Variants in DOCK7 observed in about 807,000 individuals in gnomAD.
DOCK7 encodes the protein dedicator of cytokinesis protein 7.
A neutral mutation model predicts 271.0 loss-of-function variants in DOCK7; 138 were observed. The ratio of observed to expected loss-of-function variants is 0.51; its 90% CI spans 0.44 to 0.59. DOCK7 has a LOEUF of 0.59. Ranked by LOEUF, DOCK7 falls within the 20% of genes least tolerant of loss-of-function variation. The pLI is 0.00. For missense variants in DOCK7, 2,066 were observed against 2,592.4 expected (o/e 0.80, Z 4.41); for synonymous variants, 823 against 876.1 (o/e 0.94, Z 1.07).
At chr1:62,522,343 TGAA>T (rs1485977507) in intron 31 of DOCK7, among the ~76,000 whole-genome samples, 1 of 152,120 alleles carries the variant, frequency 6.6e-6, no homozygotes, top group African/African-American at 2.4e-5. Flanking sequence ...TACACAACTA[TGAA>T]GAAGTTGAGT....
At chr1:62,637,527 C>G (rs1004125273) in intron 7 of DOCK7, among the ~76,000 whole-genome samples, 38 of 152,286 alleles carry the variant, frequency 2.5e-4, no homozygotes, top group African/African-American at 8.9e-4. Context: ...ACATCCTACG[C>G]TGTACAGGAC....
chr1:62,670,376 G>A (rs1490288823), intron 1 of DOCK7, among the ~76,000 whole-genome samples: 13 of 152,316 alleles, frequency 8.5e-5, no homozygotes, highest in Middle Eastern at 6.8e-3. Context: ...GACGTGGAGA[G>A]TCTTTATATC....
intron 14 of DOCK7, among the ~76,000 whole-genome samples, chr1:62,588,887 C>A (rs188699518): frequency 2.6e-5 from 4 of 152,074 alleles, no homozygotes; most frequent in African/African-American, 9.7e-5. Context: ...ACTACAGGCA[C>A]GTGCCATCAC....
intron 16 of DOCK7, 134 bp from the exon 17 acceptor site, chr1:62,579,100 A>T (rs1184722287): frequency 2.3e-6 from 2 of 854,192 alleles, no homozygotes; most frequent in African/African-American, 3.5e-5. Context: ...ATTTTTCTTT[A>T]TCCCCAATCT....
At chr1:62,653,959 C>T (rs770597166) in intron 3 of DOCK7, 25 bp downstream of exon 3, 1 of 1,601,750 alleles carries the variant, frequency 6.2e-7, no homozygotes, top group South Asian at 1.1e-5. Context: ...CCTCTAAAGC[C>T]AAAAATAAGT....
chr1:62,568,844 G>T (rs62311682), intron 18 of DOCK7, among the ~76,000 whole-genome samples: 1 of 149,998 alleles, frequency 6.7e-6, no homozygotes, highest in Non-Finnish European at 1.5e-5. Flanking sequence ...TAGACTGCTA[G>T]CTAGATTAAT....
Position 62,455,440 on chromosome 1 carries a change from T to C in DOCK7, c.6397A>G (p.Met2133Val). ...VTCHRDSFSR[M>V]SLRKMDL is the part of the protein sequence containing the mutation. ...TAGAGATCCATTTTGCGAAGGCTCA[T>C]TCGACTGAAGGAATCTCTGGGAAAA... Residue 2133 changes from methionine (M) to valine (V), a missense_variant, in exon 50 of 50, where the codon ATG (methionine) becomes GTG (valine). Transcript: ENST00000635253. 1.2e-6 allele frequency: 2 copies of C among 1,613,722 alleles called. No homozygotes were observed.
At chr1:62,460,098 CAAAAAAAAAAAA>C (rs71053316) in intron 48 of DOCK7, among the ~76,000 whole-genome samples, 2 of 66,022 alleles carry the variant, frequency 3.0e-5, no homozygotes, top group African/African-American at 1.2e-4. Flanking sequence ...AGACTCGTCT[CAAAAAAAAAAAA>C]AAAAAAAAAA....
At chr1:62,687,868 G>A (rs1221691544) in intron 1 of DOCK7, among the ~76,000 whole-genome samples, 2 of 152,156 alleles carry the variant, frequency 1.3e-5, no homozygotes, top group African/African-American at 4.8e-5. Context: ...CGACGAGCCC[G>A]GGGGTGGGAA....
At chr1:62,677,484 G>A (rs1660661210) in intron 1 of DOCK7, among the ~76,000 whole-genome samples, 3 of 152,016 alleles carry the variant, frequency 2.0e-5, no homozygotes, top group Non-Finnish European at 4.4e-5. Context: ...AATACACTCA[G>A]TTACAGGAGT....
intron 37 of DOCK7, among the ~76,000 whole-genome samples, chr1:62,503,945 G>T (rs1444405863): frequency 6.6e-6 from 1 of 151,950 alleles, no homozygotes; most frequent in African/African-American, 2.4e-5. Flanking sequence ...TACTTGGGAG[G>T]CTGAGGCAGG....
intron 25 of DOCK7, among the ~76,000 whole-genome samples, 159 bp downstream of exon 25, chr1:62,542,449 G>A (rs1030392860): frequency 2.6e-5 from 4 of 152,074 alleles, no homozygotes; most frequent in Admixed American, 6.6e-5. Flanking sequence ...TGTCCACAGT[G>A]TTTATTTAGA....
At chr1:62,610,790 ACTC>A (rs1013288180) in intron 14 of DOCK7, among the ~76,000 whole-genome samples, 68 of 152,164 alleles carry the variant, frequency 4.5e-4, no homozygotes, top group African/African-American at 1.4e-3. Context: ...AAGGACATGA[ACTC>A]ATCCTTTTTT....
At chr1:62,518,600 C>T (rs1039626018) in intron 31 of DOCK7, among the ~76,000 whole-genome samples, 6 of 147,474 alleles carry the variant, frequency 4.1e-5, no homozygotes, top group South Asian at 2.2e-4. Context: ...ATTAGCCAGG[C>T]GCAGTGGCAG....
intron 38 of DOCK7, chr1:62,496,035 G>C (rs1401931664): frequency 2.8e-6 from 1 of 359,988 alleles, no homozygotes; most frequent in Non-Finnish European, 4.9e-6. Context: ...TAGTTTTTAA[G>C]GCATATTATT....
intron 48 of DOCK7, among the ~76,000 whole-genome samples, chr1:62,471,485 G>A (rs1467687418): frequency 6.6e-6 from 1 of 152,146 alleles, no homozygotes; most frequent in African/African-American, 2.4e-5. Flanking sequence ...AACATAGCGA[G>A]ACTTCATCTC....
chr1:62,524,288 C>T (rs766646324), intron 31 of DOCK7, among the ~76,000 whole-genome samples: 14 of 152,106 alleles, frequency 9.2e-5, no homozygotes, highest in East Asian at 1.9e-4. Flanking sequence ...AATTAAGGTA[C>T]GCCCTCTGGA....
chr1:62,587,437 T>A (rs1647730198), intron 14 of DOCK7, among the ~76,000 whole-genome samples: 1 of 152,104 alleles, frequency 6.6e-6, no homozygotes, highest in Admixed American at 6.5e-5. Context: ...GTCTAAATTT[T>A]CTGAAGAGTG....
intron 14 of DOCK7, among the ~76,000 whole-genome samples, chr1:62,589,035 C>T (rs988524963): frequency 6.6e-6 from 1 of 152,166 alleles, no homozygotes; most frequent in Non-Finnish European, 1.5e-5. Context: ...AGCCACAGTC[C>T]CCAGCCCACC....
Sources: gnomAD v4.1 joint callset for allele counts (sites outside exome capture counted in the v4.1 genomes callset) on GRCh38, gnomAD v4.1.1 for gene constraint, MANE v1.5 for transcripts, NCBI Gene and HGNC (gene_info 2026-07-23, HGNC 2026-07-21) for gene names.